The following TMEM8B variants were observed in gnomAD, a reference collection of about 807,000 sequenced individuals.
The protein encoded by TMEM8B is transmembrane protein 8B.
A neutral mutation model predicts 49.3 loss-of-function variants in TMEM8B; 29 were observed. The observed-to-expected ratio is 0.59, with a 90% CI of 0.44 to 0.80. The LOEUF is 0.80. Among genes scored for constraint, TMEM8B ranks in the 30% least tolerant of loss-of-function variants. The pLI is 0.00. For synonymous variants in TMEM8B, 264 were observed against 272.8 expected, an observed-to-expected ratio of 0.97 and a Z score of 0.32; for missense variants, 575 against 658.5, an observed-to-expected ratio of 0.87 and a Z score of 1.39.
intron 1 of TMEM8B, chr9:35,833,248 G>T: frequency 1.1e-6 from 1 of 904,394 alleles, no homozygotes; most frequent in Non-Finnish European, 1.3e-6. Flanking sequence ...TTTCCTGCTT[G>T]GCTGAAAATG....
chr9:35,845,937 G>T (rs1464230826), intron 6 of TMEM8B, 38 bp from the exon 7 acceptor site: 1 of 1,611,554 alleles, frequency 6.2e-7, no homozygotes, highest in East Asian at 2.2e-5. Flanking sequence ...TGGAGATGGA[G>T]GATGTGGCGG....
chr9:35,846,210 G>A (rs575740658), intron 7 of TMEM8B, 48 bp from the exon 8 acceptor site: 2 of 1,610,294 alleles, frequency 1.2e-6, no homozygotes, highest in African/African-American at 2.7e-5. Flanking sequence ...AGGGTTCTTG[G>A]GTTCTGACCC....
At chr9:35,846,136 G>A in intron 7 of TMEM8B, 68 bp downstream of exon 7, 3 of 1,609,462 alleles carry the variant, frequency 1.9e-6, no homozygotes, top group Admixed American at 1.7e-5. Flanking sequence ...CAGAGGTGAA[G>A]GTGGGGAGGG....
chr9:35,834,895 A>G, intron 2 of TMEM8B, 116 bp from the exon 3 acceptor site: 1 of 414,452 alleles, frequency 2.4e-6, no homozygotes. Flanking sequence ...ATGTGTCAGT[A>G]TAGGGAATCT....
In TMEM8B at chr9:35,846,808, C is replaced by T. The variant is rs976851397; in HGVS notation, c.1997-9C>T. On this transcript the variant is annotated splice_polypyrimidine_tract_variant and intron_variant, in intron 9 of 12. Transcript: ENST00000643932. Reference sequence around the variant, plus strand: ...GTTCTCTTCCATTCTGTGCCTTCCCCACCCGCAGGGTGGAGAGGCTGGGGC... The same window carrying T: ...GTTCTCTTCCATTCTGTGCCTTCCCTACCCGCAGGGTGGAGAGGCTGGGGC... The T allele has an allele frequency of 1.2e-5, 20 of 1,609,494 alleles. No individual in the cohort carries two copies. Among genetic ancestry groups the T allele is most frequent in the African/African-American group, 5.3e-5 (4 of 74,848 alleles).
intron 1 of TMEM8B, among the ~76,000 whole-genome samples, chr9:35,831,439 C>T (rs1424019708): frequency 6.6e-6 from 1 of 152,172 alleles, no homozygotes; most frequent in African/African-American, 2.4e-5. Flanking sequence ...TGCATGCCTC[C>T]CATAACGAAT....
chr9:35,836,197 G>A (rs548754179), intron 3 of TMEM8B, among the ~76,000 whole-genome samples: 2 of 152,362 alleles, frequency 1.3e-5, no homozygotes, highest in South Asian at 2.1e-4. Context: ...CTGAGGTAGT[G>A]TCTCTAGGCC....
At chr9:35,847,206 G>A in intron 10 of TMEM8B, 1 of 1,531,768 alleles carries the variant, frequency 6.5e-7, no homozygotes, top group Non-Finnish European at 9.0e-7. Flanking sequence ...AAAACTGTTT[G>A]CAACTTAATA....
rs914823251 is a variant in TMEM8B at position 35,865,485 on chromosome 9, A to G, written c.*11645A>G. Reference sequence around the variant, plus strand: ...ACTAAAAATCATCCTTCAATAAAGCAGCAGAAGTTGCAAAGTTTCCTATGA... The same window carrying G: ...ACTAAAAATCATCCTTCAATAAAGCGGCAGAAGTTGCAAAGTTTCCTATGA... On this transcript the variant is annotated 3_prime_UTR_variant, in exon 13 of 13. Coordinates refer to ENST00000643932, the MANE Select transcript of TMEM8B (RefSeq NM_001042590.4). 1 of 152,258 alleles carries G rather than the reference A, an allele frequency of 6.6e-6. No homozygotes were observed. Among genetic ancestry groups the G allele is most frequent in the Non-Finnish European group, 1.5e-5 (1 of 68,044 alleles). The allele number at this position is 152,258 out of a possible 1,614,324, so 9.4% of individuals were successfully genotyped here. A position where few individuals can be genotyped will look rare whatever the true frequency, so the allele number is the denominator to read the frequency against.
chr9:35,834,035 C>T (rs1036092439), intron 1 of TMEM8B, among the ~76,000 whole-genome samples: 20 of 139,042 alleles, frequency 1.4e-4, no homozygotes, highest in African/African-American at 5.6e-4. Context: ...CCAAAATACA[C>T]ACACACACAC....
rs1564056119 is a variant in TMEM8B, at chr9:35,859,869, TCACGGAGTA to T, written c.*6030_*6038del. 1.3e-5 allele frequency: 2 copies of T among 153,318 alleles called. No homozygotes were observed. Among genetic ancestry groups the T allele is most frequent in the Admixed American group, 1.3e-4 (2 of 15,284 alleles). The allele number at this position is 153,318 out of a possible 1,614,324, so 9.5% of individuals were successfully genotyped here. A position where few individuals can be genotyped will look rare whatever the true frequency, so the allele number is the denominator to read the frequency against. ...ATGAGGAGGGCGTTCCCCAACACATTCACGGAGTAGATGCCCAGGCAGAACACAAACAGG... is the reference window on the plus strand; with the variant it reads ...ATGAGGAGGGCGTTCCCCAACACATTGATGCCCAGGCAGAACACAAACAGG... On this transcript the variant is annotated 3_prime_UTR_variant, in exon 13 of 13. Transcript: ENST00000643932.
intron 10 of TMEM8B, among the ~76,000 whole-genome samples, chr9:35,848,760 C>T (rs530289577): frequency 1.1e-4 from 16 of 151,236 alleles, no homozygotes; most frequent in South Asian, 6.3e-4. Context: ...CTGCAACCTC[C>T]GCCTCCCAGG....
intron 6 of TMEM8B, chr9:35,845,385 C>T (rs936101736): frequency 1.0e-5 from 10 of 985,142 alleles, no homozygotes; most frequent in South Asian, 4.7e-5. Flanking sequence ...ATGAGGTGAG[C>T]TTATGGCATC....
chr9:35,853,689 T>C lies in TMEM8B; in HGVS notation c.2624T>C (p.Phe875Ser). Residue 875 changes from phenylalanine to serine, a missense_variant, in exon 13 of 13, where the codon TTC (phenylalanine) becomes TCC (serine). Physicochemically the swap from Phe to Ser is radical, Grantham distance 155. Coordinates refer to ENST00000643932, the MANE Select transcript of TMEM8B (RefSeq NM_001042590.4). The surrounding 1 kb of genome is among the most constrained non-coding windows in gnomAD (Gnocchi z 4.2). ...ATGCTCATTGCGGGCAGTGTGGGCT[T>C]CCTGCTGCCCCCTCGTGCCAAGACT... ...WHMLIAGSVGFLLPPRAKTDH... is the reference protein window; with the variant it reads ...WHMLIAGSVGSLLPPRAKTDH... 2 of 1,614,208 alleles carry C rather than the reference T, an allele frequency of 1.2e-6. No individual in the cohort carries two copies. Among genetic ancestry groups the C allele is most frequent in the South Asian group, 1.1e-5 (1 of 91,084 alleles).
chr9:35,856,757 G>GC lies in TMEM8B; in HGVS notation c.*2919dup, dbSNP rs1832558717. The GC allele has an allele frequency of 6.6e-6, 1 of 152,318 alleles. No individual in the cohort carries two copies. Among genetic ancestry groups the GC allele is most frequent in the South Asian group, 2.1e-4 (1 of 4,830 alleles). 9.4% of individuals were successfully genotyped at this position (152,318 alleles called of 1,614,324 possible). On this transcript the variant is annotated 3_prime_UTR_variant, in exon 13 of 13. Coordinates refer to ENST00000643932, the MANE Select transcript of TMEM8B (RefSeq NM_001042590.4). The stretch of plus-strand genomic sequence containing the variant: ...GTGTGGGGTGGTGAGGTATGAGAGA[G>GC]CCTAGGATGATGGTGATATTCTGAT...
chr9:35,831,853 C>T (rs1278812837), intron 1 of TMEM8B, among the ~76,000 whole-genome samples: 1 of 152,174 alleles, frequency 6.6e-6, no homozygotes, highest in Non-Finnish European at 1.5e-5. Context: ...TAATGAATGC[C>T]TTGGCAATTT....
In TMEM8B at chr9:35,845,349, T is replaced by C. The variant is rs967000804; in HGVS notation, c.1636-626T>C. ...CAGGCATTTATTATATTCTATTTTA[T>C]GTAAGCTGCCTCAAATCCTTCTTGA... On this transcript the variant is annotated intron_variant, in intron 6 of 12. Coordinates refer to ENST00000643932, the MANE Select transcript of TMEM8B (RefSeq NM_001042590.4). The C allele has an allele frequency of 9.3e-6, 9 of 963,776 alleles. No homozygotes were observed. The African/African-American group carries it at 1.4e-4, about 15-fold the overall frequency. The allele number at this position is 963,776 out of a possible 1,614,324, so 59.7% of individuals were successfully genotyped here. A position where few individuals can be genotyped will look rare whatever the true frequency, so the allele number is the denominator to read the frequency against.
chr9:35,837,749 C>A (rs968931077), intron 3 of TMEM8B, among the ~76,000 whole-genome samples: 1 of 152,170 alleles, frequency 6.6e-6, no homozygotes, highest in Non-Finnish European at 1.5e-5. Flanking sequence ...CTTTTCACGT[C>A]CTTTCCTTGT....
At chr9:35,846,171 G>A (rs908738624) in intron 7 of TMEM8B, 87 bp from the exon 8 acceptor site, 3 of 1,607,392 alleles carry the variant, frequency 1.9e-6, no homozygotes, top group East Asian at 2.2e-5. Context: ...TGATAGGCTA[G>A]GGTTCCGGGA....
Sources: allele counts gnomAD v4.1 joint callset (sites outside exome capture counted in the v4.1 genomes callset), GRCh38; gene constraint gnomAD v4.1.1; non-coding constraint Gnocchi (gnomAD v3.1); transcripts MANE v1.5; gene names NCBI Gene and HGNC (gene_info 2026-07-23, HGNC 2026-07-21).